RBBP6: variants seen among roughly 807,000 people sequenced by gnomAD.
RBBP6 encodes RB binding protein 6, ubiquitin ligase, also known as E3 ubiquitin-protein ligase RBBP6.
RBBP6 carries 25 observed loss-of-function variants against 167.7 expected under a neutral mutation model. That is an observed-to-expected ratio of 0.15 (90% CI 0.11 to 0.21). The LOEUF is 0.21. RBBP6 is among the 10% of genes least tolerant of loss of function. The probability of loss-of-function intolerance (pLI) is 1.00; values close to 1 mark genes in which losing one functional copy is unlikely to be tolerated. For synonymous variants in RBBP6, 789 were observed against 735.8 expected (o/e 1.07, Z -1.17); for missense variants, 1,868 against 2,134.2 (o/e 0.88, Z 2.46).
Position 24,562,241 on chromosome 16 carries a change from C to T in RBBP6, c.1289+80C>T. On this transcript the variant is annotated intron_variant, in intron 10 of 17. Coordinates refer to ENST00000319715, the MANE Select transcript of RBBP6 (RefSeq NM_006910.5). ...TTTTGTTGTTGGTTATCACTTTTAACAGCTTTCTTAGTGGACCACTGTGCT... is the reference window on the plus strand; with the variant it reads ...TTTTGTTGTTGGTTATCACTTTTAATAGCTTTCTTAGTGGACCACTGTGCT... 3 of 1,339,514 alleles carry T rather than the reference C, an allele frequency of 2.2e-6. No individual in the cohort carries two copies. The South Asian group carries it at 3.9e-5, about 17-fold the overall frequency. 83.0% of individuals were successfully genotyped at this position (1,339,514 alleles called of 1,614,324 possible).
At chr16:24,557,013 T>TTTTTG (rs1898927139) in intron 7 of RBBP6, among the ~76,000 whole-genome samples, 6 of 150,026 alleles carry the variant, frequency 4.0e-5, no homozygotes, top group Admixed American at 2.0e-4. Flanking sequence ...TTTTTTTTTT[T>TTTTTG]TTTGAGACCA....
chr16:24,572,061 G>A lies in RBBP6; in HGVS notation c.4995G>A (p.Leu1665=), dbSNP rs1270321928. ...EESSGNISKD[L]KDKIVEKAKE... ...CTTCAGGAAACATTTCTAAGGACCT[G>A]AAAGATAAAATAGTGGAGAAAGCAA... The change falls in exon 18 of 18, where the codon CTG becomes CTA. Residue 1665 remains leucine (L), a synonymous_variant. Coordinates refer to ENST00000319715, the MANE Select transcript of RBBP6 (RefSeq NM_006910.5). The A allele has an allele frequency of 3.1e-6, 5 of 1,614,010 alleles. No individual in the cohort carries two copies. The highest frequency in any genetic ancestry group is 1.3e-5 in the African/African-American group (1 of 74,906).
At chr16:24,560,331 C>A (rs1257259022) in intron 8 of RBBP6, among the ~76,000 whole-genome samples, 1 of 152,176 alleles carries the variant, frequency 6.6e-6, no homozygotes, top group Non-Finnish European at 1.5e-5. Context: ...TGGTCTCGAT[C>A]TCCTGACCTC....
intron 14 of RBBP6, 132 bp from the exon 15 acceptor site, chr16:24,567,011 T>A: frequency 1.1e-6 from 1 of 905,522 alleles, no homozygotes; most frequent in Non-Finnish European, 1.6e-6. Flanking sequence ...CTAATGTTGC[T>A]ACACTAGTTG....
Position 24,540,534 on chromosome 16 carries a change from T to C in RBBP6, c.-93T>C. On this transcript the variant is annotated 5_prime_UTR_variant, in exon 1 of 18. Coordinates refer to ENST00000319715, the MANE Select transcript of RBBP6 (RefSeq NM_006910.5). The stretch of plus-strand genomic sequence containing the variant: ...GGTCCTTCGGTGTCTTTGAGTGTTT[T>C]GTGTGTACATATTTTGCTCTTAAAG... The C allele has an allele frequency of 1.5e-6, 2 of 1,308,274 alleles. No homozygotes were observed. Among genetic ancestry groups the C allele is most frequent in the Non-Finnish European group, 2.1e-6 (2 of 947,144 alleles). 81.0% of individuals were successfully genotyped at this position (1,308,274 alleles called of 1,614,324 possible).
In RBBP6 at chr16:24,541,197, A is replaced by AC. The variant is rs1204043917; in HGVS notation, c.166+405_166+406insC. 7.5e-5 allele frequency among the ~76,000 whole-genome samples: 10 copies of AC among 133,482 alleles called. No individual in the cohort carries two copies. In the South Asian group the frequency reaches 1.1e-3, roughly 15 times the overall value. 87.6% of individuals were successfully genotyped at this position (133,482 alleles called of 152,430 possible). ...TTCAATCAGCAAAAAAAAAAACAAA[A>AC]AAAAAACCAAAAAAACAATTTTCTA... On this transcript the variant is annotated intron_variant, in intron 1 of 17. Coordinates refer to ENST00000319715, the MANE Select transcript of RBBP6 (RefSeq NM_006910.5).
In RBBP6 at chr16:24,553,631, T is replaced by C. The variant is rs1291562074; in HGVS notation, c.348+74T>C. The C allele has an allele frequency of 3.2e-6, 4 of 1,233,848 alleles. No homozygotes were observed. The African/African-American group carries it at 6.1e-5, about 19-fold the overall frequency. 76.4% of individuals were successfully genotyped at this position (1,233,848 alleles called of 1,614,324 possible). ...ATATTTTTTTATGTGGAACGGTTTT[T>C]TAAGAGGGGTTGGGGGAGGACATAT... On this transcript the variant is annotated intron_variant, in intron 4 of 17. Transcript: ENST00000319715.
Position 24,571,835 on chromosome 16 carries a change from T to C in RBBP6, c.4769T>C (p.Ile1590Thr), listed in dbSNP as rs1899347751. Residue 1590 changes from isoleucine (I) to threonine (T), a missense_variant, in exon 18 of 18, where the codon ATA (isoleucine) becomes ACA (threonine). Coordinates refer to ENST00000319715, the MANE Select transcript of RBBP6 (RefSeq NM_006910.5). Reference protein sequence around the residue: ...KESSGNKLLYILNPPETQVEK... With the variant: ...KESSGNKLLYTLNPPETQVEK... ...TCAAGTGGCAATAAACTACTTTATA[T>C]ACTTAACCCACCAGAGACACAGGTT... 2 of 1,614,068 alleles carry C rather than the reference T, an allele frequency of 1.2e-6. No homozygotes were observed. Among genetic ancestry groups the C allele is most frequent in the African/African-American group, 2.7e-5 (2 of 74,942 alleles).
Position 24,567,838 on chromosome 16 carries a change from A to G in RBBP6, c.1999A>G (p.Lys667Glu). 3 of 1,613,856 alleles carry G rather than the reference A, an allele frequency of 1.9e-6. No homozygotes were observed. The highest frequency in any genetic ancestry group is 2.5e-6 in the Non-Finnish European group (3 of 1,179,842). Residue 667 changes from lysine (K) to glutamate (E), a missense_variant, in exon 16 of 18, where the codon AAG becomes GAG. This residue lies in a region of RBBP6 where 145 missense variants were observed against 224.3 expected (regional missense o/e 0.65). Coordinates refer to ENST00000319715, the MANE Select transcript of RBBP6 (RefSeq NM_006910.5). ...KLDEFTNDFA[K>E]ELMEYKKIQK... is the part of the protein sequence containing the mutation. Reference sequence around the variant, plus strand: ...AGATGAGTTTACAAATGATTTTGCTAAGGAATTGATGGAATACAAAAAGAT... The same window carrying G: ...AGATGAGTTTACAAATGATTTTGCTGAGGAATTGATGGAATACAAAAAGAT...
intron 4 of RBBP6, chr16:24,555,004 C>T (rs1898881483): frequency 6.6e-6 from 1 of 151,942 alleles, no homozygotes; most frequent in Non-Finnish European, 1.5e-5. Flanking sequence ...GTGCTAAATG[C>T]CTGAAGATTC....
In RBBP6 at chr16:24,571,049, C is replaced by T; in HGVS notation, c.3983C>T (p.Ser1328Phe). ...AAATGGGATAAAGATGACTTTGAAT[C>T]TGAAGAAGAAGATGTTAAATCCACA... ...QSKWDKDDFE[S>F]EEEDVKSTQP... The change falls in exon 18 of 18, where the codon TCT becomes TTT. Residue 1328 changes from serine (S) to phenylalanine (F), a missense_variant. Transcript: ENST00000319715. The T allele has an allele frequency of 6.2e-7, 1 of 1,611,800 alleles. No individual in the cohort carries two copies. The highest frequency in any genetic ancestry group is 8.5e-7 in the Non-Finnish European group (1 of 1,178,242).
At chr16:24,564,925 A>G in intron 14 of RBBP6, 60 bp downstream of exon 14, 1 of 1,545,194 alleles carries the variant, frequency 6.5e-7, no homozygotes, top group Non-Finnish European at 8.7e-7. Flanking sequence ...ATATCTCACC[A>G]AAGAAATTAA....
chr16:24,540,597 C>T lies in RBBP6; in HGVS notation c.-30C>T. ...CGTATATTGAGAGTGTCCACGTCTC[C>T]TCGCTGAACCTTAGGAATCCCTTGG... On this transcript the variant is annotated 5_prime_UTR_variant, in exon 1 of 18. Transcript: ENST00000319715. 1.3e-6 allele frequency: 2 copies of T among 1,592,090 alleles called. No homozygotes were observed. Among genetic ancestry groups the T allele is most frequent in the Non-Finnish European group, 1.7e-6 (2 of 1,165,992 alleles).
At chr16:24,549,852 T>G (rs1260318981) in intron 3 of RBBP6, among the ~76,000 whole-genome samples, 1 of 152,042 alleles carries the variant, frequency 6.6e-6, no homozygotes, top group African/African-American at 2.4e-5. Flanking sequence ...CAGAGGTAAC[T>G]CCCCTTAACC....
intron 1 of RBBP6, among the ~76,000 whole-genome samples, chr16:24,542,061 G>T (rs927080543): frequency 2.0e-5 from 3 of 152,178 alleles, no homozygotes; most frequent in African/African-American, 7.2e-5. Flanking sequence ...TTGCTCAAAT[G>T]ATATTATGTG....
At position 24,571,485 on chromosome 16, in the gene RBBP6, A is replaced by T. The variant is rs572824515; in HGVS notation, c.4419A>T (p.Lys1473Asn). Residue 1473 changes from lysine to asparagine, a missense_variant, in exon 18 of 18, where the codon AAA becomes AAT. By Grantham distance (94) the Lys-to-Asn change is moderately conservative (BLOSUM62 0). Transcript: ENST00000319715. Reference protein sequence around the residue: ...SNKDFTPNRDKKTDYDTREYS... With the variant: ...SNKDFTPNRDNKTDYDTREYS... The stretch of plus-strand genomic sequence containing the variant: ...AAGACTTCACTCCCAATAGAGACAA[A>T]AAAACTGACTATGACACCAGAGAGT... 1 of 1,612,336 alleles carries T rather than the reference A, an allele frequency of 6.2e-7. No homozygotes were observed. Among genetic ancestry groups the T allele is most frequent in the South Asian group, 1.1e-5 (1 of 90,544 alleles).
chr16:24,548,852 A>G, intron 2 of RBBP6, 93 bp from the exon 3 acceptor site: 3 of 1,060,494 alleles, frequency 2.8e-6, no homozygotes, highest in Non-Finnish European at 4.1e-6. Flanking sequence ...TAGGTTCCTA[A>G]AAATGTATTA....
At chr16:24,550,142 T>C (rs532810297) in intron 3 of RBBP6, among the ~76,000 whole-genome samples, 8 of 152,068 alleles carry the variant, frequency 5.3e-5, no homozygotes, top group African/African-American at 1.9e-4. Flanking sequence ...TTTCACATTA[T>C]ATACTTTTTA....
At chr16:24,558,800 C>G (rs1898979714) in intron 7 of RBBP6, among the ~76,000 whole-genome samples, 1 of 152,178 alleles carries the variant, frequency 6.6e-6, no homozygotes, top group Non-Finnish European at 1.5e-5. Flanking sequence ...TGAGGTGTTA[C>G]TTTACATTTT....
Sources: gnomAD v4.1 joint callset for allele counts (sites outside exome capture counted in the v4.1 genomes callset) on GRCh38, gnomAD v4.1.1 for gene constraint, gnomAD v4.1.1 regional missense constraint, MANE v1.5 for transcripts, NCBI Gene and HGNC (gene_info 2026-07-23, HGNC 2026-07-21) for gene names.